Variants in NAV3 observed in about 807,000 individuals in gnomAD.
The protein encoded by NAV3 is neuron navigator 3, also known as pore membrane and/or filament interacting like protein 1.
NAV3 carries 87 observed loss-of-function variants against 244.7 expected under a neutral mutation model. That is an observed-to-expected ratio of 0.36 (90% CI 0.30 to 0.42). The LOEUF (loss-of-function observed/expected upper bound fraction) is 0.42, where lower values mean the gene tolerates loss of function less well. Among genes scored for constraint, NAV3 ranks in the 20% least tolerant of loss-of-function variants. NAV3 has a pLI of 1.00. For synonymous variants in NAV3, 1,126 were observed against 1,042.2 expected (o/e 1.08, Z -1.55); for missense variants, 2,663 against 2,893.3 (o/e 0.92, Z 1.83).
intron 2 of NAV3, among the ~76,000 whole-genome samples, chr12:77,701,022 G>C (rs956532320): frequency 2.8e-4 from 43 of 151,540 alleles, no homozygotes; most frequent in African/African-American, 1.0e-3. Context: ...ATATTTTCTT[G>C]TAATTATTTT....
intron 2 of NAV3, among the ~76,000 whole-genome samples, chr12:77,785,989 T>C (rs896188617): frequency 1.3e-5 from 2 of 152,150 alleles, no homozygotes; most frequent in Non-Finnish European, 2.9e-5. Flanking sequence ...AGCTGAGTGA[T>C]CTTATTTGAT....
At chr12:77,868,038 A>T (rs1880346136) in intron 1 of NAV3, among the ~76,000 whole-genome samples, 1 of 152,210 alleles carries the variant, frequency 6.6e-6, no homozygotes, top group Non-Finnish European at 1.5e-5. Context: ...ATTATAAACC[A>T]AAGTGGAAGT....
intron 2 of NAV3, among the ~76,000 whole-genome samples, chr12:77,795,911 G>A (rs1592690163): frequency 6.6e-6 from 1 of 152,108 alleles, no homozygotes. Flanking sequence ...TGCTTGGAAA[G>A]AAAAGAACAT....
intron 3 of NAV3, among the ~76,000 whole-genome samples, chr12:77,965,240 T>C (rs929641268): frequency 6.6e-6 from 1 of 152,230 alleles, no homozygotes; most frequent in African/African-American, 2.4e-5. Flanking sequence ...TGCTATATAA[T>C]GTCATGATCA....
chr12:77,677,354 C>T (rs1874251468), intron 2 of NAV3, among the ~76,000 whole-genome samples: 1 of 152,228 alleles, frequency 6.6e-6, no homozygotes, highest in South Asian at 2.1e-4. Context: ...TGGAATGTCA[C>T]ACATTCTGTG....
intron 7 of NAV3, among the ~76,000 whole-genome samples, chr12:78,000,192 G>A (rs1873005949): frequency 6.6e-6 from 1 of 152,090 alleles, no homozygotes; most frequent in African/African-American, 2.4e-5. Context: ...ATGCTTAGAA[G>A]GCAGTGCAAA....
chr12:77,775,134 G>A (rs1870286966), intron 2 of NAV3, among the ~76,000 whole-genome samples: 1 of 152,058 alleles, frequency 6.6e-6, no homozygotes, highest in African/African-American at 2.4e-5. Flanking sequence ...GCTCATACCT[G>A]TAATCCCAGC....
In NAV3 at chr12:78,070,641, C is replaced by T. The variant is rs377385311; in HGVS notation, c.2636+11526C>T. 9.9e-4 allele frequency among the ~76,000 whole-genome samples: 150 copies of T among 151,096 alleles called. 1 individual carries two copies. In the East Asian group the frequency reaches 0.026, roughly 26 times the overall value. On this transcript the variant is annotated intron_variant, in intron 12 of 39. Transcript: ENST00000397909. ...TATGTATACATGTGCCATGCTGGTG[C>T]GCTGCACCCACTAACTAGTCATCTA...
intron 2 of NAV3, among the ~76,000 whole-genome samples, chr12:77,789,859 A>AAAATTCAC (rs1427591724): frequency 9.7e-6 from 1 of 103,428 alleles, no homozygotes; most frequent in African/African-American, 3.4e-5. Flanking sequence ...AAAGAAAAAA[A>AAAATTCAC]AAATTCACAA....
intron 23 of NAV3, among the ~76,000 whole-genome samples, chr12:78,168,539 A>G (rs1266234365): frequency 6.6e-6 from 1 of 151,746 alleles, no homozygotes; most frequent in Non-Finnish European, 1.5e-5. Context: ...TTATAAGACA[A>G]TAAGAAAAAC....
At chr12:77,969,203 T>C (rs1046009720) in intron 5 of NAV3, among the ~76,000 whole-genome samples, 3 of 151,740 alleles carry the variant, frequency 2.0e-5, no homozygotes, top group Non-Finnish European at 4.4e-5. Flanking sequence ...TGTATGCACA[T>C]ACATGTATTA....
At chr12:77,734,681 A>G (rs1261206798) in intron 2 of NAV3, among the ~76,000 whole-genome samples, 1 of 152,130 alleles carries the variant, frequency 6.6e-6, no homozygotes, top group African/African-American at 2.4e-5. Flanking sequence ...CCAAATGTGG[A>G]AGGGATGAGT....
intron 1 of NAV3, among the ~76,000 whole-genome samples, chr12:77,854,951 C>A (rs1878152483): frequency 6.6e-6 from 1 of 152,028 alleles, no homozygotes; most frequent in Non-Finnish European, 1.5e-5. Flanking sequence ...CACGATGAAA[C>A]CCCGTCTCTA....
rs774785868 is a variant in NAV3 at position 77,831,666 on chromosome 12, C to A, written c.205C>A (p.Pro69Thr). 7 of 1,613,010 alleles carry A rather than the reference C, an allele frequency of 4.3e-6. No individual in the cohort carries two copies. The highest frequency in any genetic ancestry group is 5.9e-6 in the Non-Finnish European group (7 of 1,179,696). The change falls in exon 1 of 40, where the codon CCC becomes ACC. Residue 69 changes from proline to threonine, a missense_variant. This residue lies in a region of NAV3 where 1,521 missense variants were observed against 1,497.0 expected (regional missense o/e 1.02). Coordinates refer to ENST00000397909, the MANE Select transcript of NAV3 (RefSeq NM_001024383.2). ...AACCTGTGAATTTGGAGAGAAGAAA[C>A]CCCTCCAAGGAAAAGCCAAGGAGAA... ...KSTCEFGEKK[P>T]LQGKAKEKED...
intron 12 of NAV3, among the ~76,000 whole-genome samples, chr12:78,109,833 A>C (rs1287592714): frequency 1.3e-5 from 2 of 152,204 alleles, no homozygotes; most frequent in East Asian, 3.9e-4. Flanking sequence ...ACTCAGAGCT[A>C]ATATCATACA....
chr12:77,992,389 T>C (rs535760459), intron 5 of NAV3, among the ~76,000 whole-genome samples: 85 of 152,326 alleles, frequency 5.6e-4, no homozygotes, highest in African/African-American at 2.0e-3. Context: ...TATTGATTTC[T>C]CCTCTGTAAT....
chr12:77,755,425 G>A (rs111461925), intron 2 of NAV3, among the ~76,000 whole-genome samples: 1,940 of 152,114 alleles, frequency 0.013, 24 homozygotes, highest in Non-Finnish European at 0.021. Context: ...CTCTGCTTAC[G>A]TTGATGGGAT....
chr12:78,185,649 G>T lies in NAV3; in HGVS notation c.5741G>T (p.Arg1914Leu). The T allele has an allele frequency of 1.2e-6, 2 of 1,608,434 alleles. No individual in the cohort carries two copies. The highest frequency in any genetic ancestry group is 2.2e-5 in the East Asian group (1 of 44,654). Residue 1914 changes from arginine to leucine, a missense_variant, in exon 31 of 40, where the codon CGC becomes CTC. Physicochemically the swap from Arg to Leu is moderately radical, Grantham distance 102 (BLOSUM62 -2). Coordinates refer to ENST00000397909, the MANE Select transcript of NAV3 (RefSeq NM_001024383.2). ...GATGCAACTGGACATAAAGATGGCCGCAGTGTGAAAATTATAGTCTCCATA... is the reference window on the plus strand; with the variant it reads ...GATGCAACTGGACATAAAGATGGCCTCAGTGTGAAAATTATAGTCTCCATA... ...AGDATGHKDG[R>L]SVKIIVSISK...
In NAV3 at chr12:77,979,699, G is replaced by GAAA. The variant is rs982567243; in HGVS notation, c.671+11007_671+11009dup. Among the ~76,000 whole-genome samples the GAAA allele has an allele frequency of 1.0e-3, 82 of 79,320 alleles. 1 individual carries two copies. Among genetic ancestry groups the GAAA allele is most frequent in the African/African-American group, 2.8e-3 (63 of 22,612 alleles). 52.0% of individuals were successfully genotyped at this position (79,320 alleles called of 152,430 possible). A position where few individuals can be genotyped will look rare whatever the true frequency, so the allele number is the denominator to read the frequency against. On this transcript the variant is annotated intron_variant, in intron 5 of 39. Coordinates refer to ENST00000397909, the MANE Select transcript of NAV3 (RefSeq NM_001024383.2). ...CTCTCAGTCTCATAAGATGTGAAAC[G>GAAA]AAAAAAAAAAAAGAAAAAAAAAAAA...
Sources: allele counts gnomAD v4.1 joint callset (sites outside exome capture counted in the v4.1 genomes callset), GRCh38; gene constraint gnomAD v4.1.1; regional missense constraint gnomAD v4.1.1; transcripts MANE v1.5; gene names NCBI Gene and HGNC (gene_info 2026-07-23, HGNC 2026-07-21).